Variants in YAP1 observed in about 807,000 individuals in gnomAD.
YAP1 encodes the protein transcriptional coactivator YAP1.
In YAP1, 5 loss-of-function variants were observed where a neutral mutation model predicts 56.9. The ratio of observed to expected loss-of-function variants is 0.09; its 90% CI spans 0.05 to 0.18. YAP1 has a LOEUF of 0.18. YAP1 is among the 10% of genes least tolerant of loss of function. YAP1 has a pLI of 1.00. For synonymous variants in YAP1, 265 were observed against 248.1 expected (o/e 1.07, Z -0.64); for missense variants, 539 against 651.8 (o/e 0.83, Z 1.88).
intron 6 of YAP1, among the ~76,000 whole-genome samples, chr11:102,222,687 CT>C (rs1056751883): frequency 6.6e-6 from 1 of 152,126 alleles, no homozygotes; most frequent in Non-Finnish European, 1.5e-5. Flanking sequence ...CTTCTGATGT[CT>C]TTTTTTCATT....
chr11:102,183,226 GA>G (rs1405979264), intron 3 of YAP1, among the ~76,000 whole-genome samples: 1 of 152,172 alleles, frequency 6.6e-6, no homozygotes, highest in Non-Finnish European at 1.5e-5. Context: ...GGAGGTAGGG[GA>G]TGCAGAGTAT....
chr11:102,230,248 C>T lies in YAP1; in HGVS notation c.*308C>T, dbSNP rs1311619362. The T allele has an allele frequency of 8.4e-6, 2 of 238,060 alleles. No individual in the cohort carries two copies. The highest frequency in any genetic ancestry group is 9.4e-5 in the East Asian group (1 of 10,674). 14.7% of individuals were successfully genotyped at this position (238,060 alleles called of 1,614,324 possible). On this transcript the variant is annotated 3_prime_UTR_variant, in exon 9 of 9. Coordinates refer to ENST00000282441, the MANE Select transcript of YAP1 (RefSeq NM_001130145.3). ...CCTGTTTGGATGATGGATGCCATTC[C>T]TTTTGCCCAGTTAAATGTTCACCAA... is the stretch of plus-strand genomic sequence containing the variant.
intron 1 of YAP1, chr11:102,112,523 A>G (rs1405580108): frequency 1.0e-6 from 1 of 977,184 alleles, no homozygotes; most frequent in Non-Finnish European, 1.2e-6. Context: ...ACTGCAATGT[A>G]GTTAGCCCAC....
At chr11:102,145,696 A>T (rs7924931) in intron 2 of YAP1, among the ~76,000 whole-genome samples, 7,118 of 152,312 alleles carry the variant, frequency 0.047, 552 homozygotes, top group African/African-American at 0.16. Flanking sequence ...ATAACCTATT[A>T]GTTTGAACTG....
chr11:102,185,186 T>C (rs1241300319), intron 3 of YAP1, among the ~76,000 whole-genome samples: 2 of 152,144 alleles, frequency 1.3e-5, no homozygotes, highest in Non-Finnish European at 2.9e-5. Flanking sequence ...TCAGGAAGAA[T>C]TATGTTTGAA....
In YAP1 at chr11:102,110,962, C is replaced by A; in HGVS notation, c.114C>A (p.Pro38=). ...CGTCCGGACCCGGGCAACCGGCACC[C>A]GCGGCGACCCAGGCGGCGCCGCAGG... ...GPPSGPGQPA[P]AATQAAPQAP... Residue 38 remains proline (P), a synonymous_variant, in exon 1 of 9, where the codon CCC becomes CCA. Coordinates refer to ENST00000282441, the MANE Select transcript of YAP1 (RefSeq NM_001130145.3). 1 of 1,513,790 alleles carries A rather than the reference C, an allele frequency of 6.6e-7. No individual in the cohort carries two copies. 93.8% of individuals were successfully genotyped at this position (1,513,790 alleles called of 1,614,324 possible). A position where few individuals can be genotyped will look rare whatever the true frequency, so the allele number is the denominator to read the frequency against.
At chr11:102,141,469 GA>G (rs1293182557) in intron 2 of YAP1, among the ~76,000 whole-genome samples, 1 of 152,138 alleles carries the variant, frequency 6.6e-6, no homozygotes, top group African/African-American at 2.4e-5. Context: ...GAAGTGGTAT[GA>G]AAAAATATCC....
At chr11:102,182,615 C>A (rs1947692718) in intron 3 of YAP1, among the ~76,000 whole-genome samples, 1 of 152,046 alleles carries the variant, frequency 6.6e-6, no homozygotes, top group Admixed American at 6.6e-5. Flanking sequence ...GTGAATAAAG[C>A]CTTTATCTGT....
intron 3 of YAP1, among the ~76,000 whole-genome samples, chr11:102,183,751 A>G (rs1007656883): frequency 7.4e-6 from 1 of 134,664 alleles, no homozygotes; most frequent in Non-Finnish European, 1.6e-5. Flanking sequence ...TAAACCACAT[A>G]TATGAAACCC....
intron 2 of YAP1, among the ~76,000 whole-genome samples, chr11:102,155,406 C>T (rs1565209352): frequency 6.6e-6 from 1 of 152,104 alleles, no homozygotes; most frequent in Non-Finnish European, 1.5e-5. Flanking sequence ...TTTGGGGCCC[C>T]TCCCCAAGTT....
chr11:102,116,028 G>A (rs1943264414), intron 2 of YAP1, among the ~76,000 whole-genome samples: 1 of 152,106 alleles, frequency 6.6e-6, no homozygotes, highest in Non-Finnish European at 1.5e-5. Flanking sequence ...ATAATTGCTT[G>A]TAGGTGATAC....
At position 102,226,295 on chromosome 11, in the gene YAP1, GAGTAAACC is replaced by G. The variant is rs142052153; in HGVS notation, c.1164-1170_1164-1163del. 5.0e-3 allele frequency among the ~76,000 whole-genome samples: 763 copies of G among 152,316 alleles called. 5 individuals are homozygous for G. Among genetic ancestry groups the G allele is most frequent in the African/African-American group, 0.018 (730 of 41,578 alleles). On this transcript the variant is annotated intron_variant, in intron 7 of 8. Transcript: ENST00000282441. ...TTGGCAAAATCTGGCAGAAGCATTA[GAGTAAACC>G]AGTGATGGCAGTATATAGAATGAGG...
At chr11:102,152,262 G>T (rs1183328566) in intron 2 of YAP1, among the ~76,000 whole-genome samples, 2 of 152,206 alleles carry the variant, frequency 1.3e-5, no homozygotes, top group African/African-American at 2.4e-5. Context: ...AAAGCTATCT[G>T]TAAGATGCTG....
chr11:102,132,952 G>A (rs954646914), intron 2 of YAP1, among the ~76,000 whole-genome samples: 1 of 152,122 alleles, frequency 6.6e-6, no homozygotes, highest in African/African-American at 2.4e-5. Context: ...GAGGTCAGGA[G>A]ATGGAGACCA....
At position 102,229,841 on chromosome 11, in the gene YAP1, A is replaced by G. The variant is rs141269128; in HGVS notation, c.1416A>G (p.Pro472=). The change falls in exon 9 of 9, where the codon CCA becomes CCG. Residue 472 remains proline (P), a synonymous_variant. Transcript: ENST00000282441. ...ACATAGAAGGAGAGGAGCTGATGCC[A>G]AGTCTGCAGGAAGCTTTGAGTTCTG... ...GMNIEGEELM[P]SLQEALSSDI... The G allele has an allele frequency of 7.4e-5, 119 of 1,614,146 alleles. No individual in the cohort carries two copies. In the African/African-American group the frequency reaches 1.5e-3, roughly 20 times the overall value.
intron 2 of YAP1, among the ~76,000 whole-genome samples, chr11:102,120,399 G>A (rs1441318164): frequency 1.3e-5 from 2 of 152,218 alleles, no homozygotes; most frequent in African/African-American, 4.8e-5. Flanking sequence ...GTGATAGTCT[G>A]TTGTTTCTTT....
chr11:102,185,378 T>G (rs1947891910), intron 3 of YAP1, among the ~76,000 whole-genome samples: 1 of 152,170 alleles, frequency 6.6e-6, no homozygotes, highest in Admixed American at 6.5e-5. Flanking sequence ...GCACTTATCT[T>G]GCCTCCTCCC....
At chr11:102,196,446 A>G (rs1385628300) in intron 4 of YAP1, among the ~76,000 whole-genome samples, 1 of 152,162 alleles carries the variant, frequency 6.6e-6, no homozygotes, top group East Asian at 1.9e-4. Flanking sequence ...AACATTATAA[A>G]TGAGAATAGC....
At chr11:102,121,331 T>A (rs1943636811) in intron 2 of YAP1, among the ~76,000 whole-genome samples, 1 of 152,034 alleles carries the variant, frequency 6.6e-6, no homozygotes, top group Non-Finnish European at 1.5e-5. Flanking sequence ...TCCCAGCTAC[T>A]TGGGAGGCTG....
Sources: gnomAD v4.1 joint callset for allele counts (sites outside exome capture counted in the v4.1 genomes callset) on GRCh38, gnomAD v4.1.1 for gene constraint, MANE v1.5 for transcripts, NCBI Gene and HGNC (gene_info 2026-07-23, HGNC 2026-07-21) for gene names.